The following GAB2 variants were observed in gnomAD, a reference collection of about 807,000 sequenced individuals.
GAB2 encodes the protein GRB2 associated binding protein 2.
Under a neutral mutation model 65.5 loss-of-function variants are expected in GAB2, and 26 were observed. The observed-to-expected ratio is 0.40, with a 90% confidence interval of 0.29 to 0.55. The LOEUF (loss-of-function observed/expected upper bound fraction) is 0.55. GAB2 is among the 20% of genes least tolerant of loss of function. The pLI is 0.53. For missense variants in GAB2, 884 were observed against 875.8 expected, an observed-to-expected ratio of 1.01 and a Z score of -0.12; for synonymous variants, 321 against 329.6, an observed-to-expected ratio of 0.97 and a Z score of 0.28.
intron 1 of GAB2, among the ~76,000 whole-genome samples, chr11:78,411,163 G>C (rs375758393): frequency 2.6e-5 from 4 of 151,218 alleles, no homozygotes; most frequent in Non-Finnish European, 3.0e-5. Flanking sequence ...GGTGGTTGGG[G>C]GGGGGGATGG....
At chr11:78,257,302 A>G (rs1004809152) in intron 2 of GAB2, among the ~76,000 whole-genome samples, 2 of 152,108 alleles carry the variant, frequency 1.3e-5, no homozygotes, top group African/African-American at 4.8e-5. Flanking sequence ...TGCCCTTTTC[A>G]TCTTTATCCC....
chr11:78,244,131 CT>C (rs1171566395), intron 3 of GAB2, among the ~76,000 whole-genome samples: 1 of 152,068 alleles, frequency 6.6e-6, no homozygotes, highest in African/African-American at 2.4e-5. Flanking sequence ...AATCCCAGCA[CT>C]TTAGGAGGCC....
At chr11:78,383,997 C>A (rs1035102028) in intron 1 of GAB2, among the ~76,000 whole-genome samples, 1 of 152,084 alleles carries the variant, frequency 6.6e-6, no homozygotes, top group Non-Finnish European at 1.5e-5. Flanking sequence ...AGCAGCGTGG[C>A]GACAGAGGCA....
chr11:78,329,633 A>C (rs937416927), intron 1 of GAB2, among the ~76,000 whole-genome samples: 1 of 152,214 alleles, frequency 6.6e-6, no homozygotes, highest in Non-Finnish European at 1.5e-5. Context: ...TAGGGCAACC[A>C]GACCATTTTA....
intron 1 of GAB2, among the ~76,000 whole-genome samples, chr11:78,374,760 A>G (rs1054127349): frequency 1.3e-5 from 2 of 152,162 alleles, no homozygotes; most frequent in Non-Finnish European, 2.9e-5. Flanking sequence ...TAAAAGACAG[A>G]CCCATTATTC....
intron 1 of GAB2, among the ~76,000 whole-genome samples, chr11:78,299,237 T>C (rs1403990322): frequency 6.6e-6 from 1 of 152,234 alleles, no homozygotes; most frequent in Non-Finnish European, 1.5e-5. Context: ...TCCAGCTGTC[T>C]TTGAAATGTG....
intron 1 of GAB2, among the ~76,000 whole-genome samples, chr11:78,360,308 C>A (rs982169024): frequency 1.3e-5 from 2 of 151,692 alleles, no homozygotes; most frequent in Non-Finnish European, 2.9e-5. Flanking sequence ...ATAGCTCAAG[C>A]CTGTGATCCT....
intron 1 of GAB2, among the ~76,000 whole-genome samples, chr11:78,408,138 T>C (rs1857078953): frequency 6.6e-6 from 1 of 152,190 alleles, no homozygotes; most frequent in African/African-American, 2.4e-5. Flanking sequence ...TGTAATTAAA[T>C]AGTCTTTCCT....
intron 1 of GAB2, among the ~76,000 whole-genome samples, chr11:78,373,668 ATACT>A (rs1233155969): frequency 6.6e-6 from 1 of 152,234 alleles, no homozygotes; most frequent in African/African-American, 2.4e-5. Flanking sequence ...ATGTAAACAA[ATACT>A]TAAGTAATAC....
chr11:78,410,408 G>A (rs1857111997), intron 1 of GAB2, among the ~76,000 whole-genome samples: 1 of 152,254 alleles, frequency 6.6e-6, no homozygotes, highest in African/African-American at 2.4e-5. Flanking sequence ...GGAGGCTGAG[G>A]CAGGAGAACT....
In GAB2 at chr11:78,216,085, AG is replaced by A. The variant is rs1864129680; in HGVS notation, c.*3186del. The A allele has an allele frequency of 2.6e-5, 4 of 152,686 alleles. No individual in the cohort carries two copies. Among genetic ancestry groups the A allele is most frequent in the Admixed American group, 1.3e-4 (2 of 15,288 alleles). The allele number at this position is 152,686 out of a possible 1,614,324, so 9.5% of individuals were successfully genotyped here. A position where few individuals can be genotyped will look rare whatever the true frequency, so the allele number is the denominator to read the frequency against. ...CCCAGAAAGAAGTTACAGAGGAGGG[AG>A]TCTCCCCTTCAAGCAGCTGAGCACC... On this transcript the variant is annotated 3_prime_UTR_variant, in exon 10 of 10. Coordinates refer to ENST00000361507, the MANE Select transcript of GAB2 (RefSeq NM_080491.3).
chr11:78,219,455 T>G (rs1305299612), intron 9 of GAB2, 40 bp from the exon 10 acceptor site: 1 of 1,599,936 alleles, frequency 6.3e-7, no homozygotes, highest in African/African-American at 1.3e-5. Flanking sequence ...AGCTGTGAGT[T>G]ACCAGTTAGG....
At chr11:78,366,903 C>T (rs1415115066) in intron 1 of GAB2, among the ~76,000 whole-genome samples, 1 of 151,764 alleles carries the variant, frequency 6.6e-6, no homozygotes, top group African/African-American at 2.4e-5. Context: ...CACAAAGTTA[C>T]ATGAGAAATT....
At chr11:78,372,429 C>T (rs1213122073) in intron 1 of GAB2, among the ~76,000 whole-genome samples, 1 of 152,102 alleles carries the variant, frequency 6.6e-6, no homozygotes, top group Non-Finnish European at 1.5e-5. Context: ...TTTGACCAGC[C>T]CCTAGAGGTT....
intron 1 of GAB2, among the ~76,000 whole-genome samples, chr11:78,286,125 G>A (rs184551288): frequency 6.6e-6 from 1 of 152,198 alleles, no homozygotes; most frequent in African/African-American, 2.4e-5. Context: ...TTCTAATGCT[G>A]AGGATACAGC....
chr11:78,401,304 A>G (rs920868387), intron 1 of GAB2, among the ~76,000 whole-genome samples: 3 of 151,954 alleles, frequency 2.0e-5, no homozygotes, highest in Non-Finnish European at 2.9e-5. Flanking sequence ...ATTGTCCCCT[A>G]CCCCTAGCCC....
At chr11:78,286,036 T>A (rs571486700) in intron 1 of GAB2, among the ~76,000 whole-genome samples, 2 of 151,800 alleles carry the variant, frequency 1.3e-5, no homozygotes, top group South Asian at 4.2e-4. Context: ...TATGTTTCCT[T>A]CCTCCATCGC....
At chr11:78,408,140 G>C (rs573991449) in intron 1 of GAB2, among the ~76,000 whole-genome samples, 2 of 152,286 alleles carry the variant, frequency 1.3e-5, no homozygotes, top group Admixed American at 6.5e-5. Context: ...TAATTAAATA[G>C]TCTTTCCTTC....
intron 1 of GAB2, among the ~76,000 whole-genome samples, chr11:78,300,523 AC>A (rs755374027): frequency 0.032 from 4,748 of 146,674 alleles, 259 homozygotes; most frequent in African/African-American, 0.11. Context: ...TTATAAAAAA[AC>A]AAAAAAACAA....
Sources: allele counts gnomAD v4.1 joint callset (sites outside exome capture counted in the v4.1 genomes callset), GRCh38; gene constraint gnomAD v4.1.1; transcripts MANE v1.5; gene names NCBI Gene and HGNC (gene_info 2026-07-23, HGNC 2026-07-21).